MYO5A: variants seen among roughly 807,000 people sequenced by gnomAD.
MYO5A encodes the protein myosin VA.
A neutral mutation model predicts 249.7 loss-of-function variants in MYO5A; 98 were observed. The ratio of observed to expected loss-of-function variants is 0.39; its 90% confidence interval spans 0.33 to 0.46. The LOEUF is 0.46. Among genes scored for constraint, MYO5A ranks in the 20% least tolerant of loss-of-function variants. The pLI is 0.98. For synonymous variants in MYO5A, 778 were observed against 810.6 expected (o/e 0.96, Z 0.68); for missense variants, 1,696 against 2,308.8 (o/e 0.73, Z 5.44).
At chr15:52,412,405 T>C (rs528801548) in intron 5 of MYO5A, among the ~76,000 whole-genome samples, 22 of 152,172 alleles carry the variant, frequency 1.4e-4, no homozygotes, top group Non-Finnish European at 3.2e-4. Flanking sequence ...TATTTAAACA[T>C]AGACAAACAA....
intron 16 of MYO5A, 93 bp from the exon 17 acceptor site, chr15:52,380,001 G>A: frequency 8.3e-7 from 1 of 1,200,970 alleles, no homozygotes; most frequent in Non-Finnish European, 1.2e-6. Flanking sequence ...TCTTTCGTAA[G>A]AGCAAAATGG....
At chr15:52,404,035 G>A (rs1450918822) in intron 9 of MYO5A, among the ~76,000 whole-genome samples, 2 of 152,120 alleles carry the variant, frequency 1.3e-5, no homozygotes, top group East Asian at 3.8e-4. Context: ...GGAGGCCAAG[G>A]TGGGCGGATC....
At position 52,309,844 on chromosome 15, in the gene MYO5A, G is replaced by C. The variant is rs1108808; in HGVS notation, c.*3852C>G. On this transcript the variant is annotated 3_prime_UTR_variant, in exon 42 of 42. Coordinates refer to ENST00000399233, the MANE Select transcript of MYO5A (RefSeq NM_001382347.1). ...CTCTATGAATTAGTGACGGGGGTGT[G>C]TGTGTGTGTATGTGTGTGTGTGTGT... The C allele has an allele frequency of 0.09, 13,147 of 146,190 alleles. 1,737 individuals carry two copies. Among genetic ancestry groups the C allele is most frequent in the African/African-American group, 0.31 (11,918 of 39,040 alleles). The allele number at this position is 146,190 out of a possible 1,614,324, so 9.1% of individuals were successfully genotyped here. A position where few individuals can be genotyped will look rare whatever the true frequency, so the allele number is the denominator to read the frequency against.
intron 1 of MYO5A, among the ~76,000 whole-genome samples, chr15:52,478,220 G>T (rs1262338627): frequency 1.3e-5 from 2 of 152,234 alleles, no homozygotes; most frequent in African/African-American, 4.8e-5. Context: ...CCAGGCGCGG[G>T]ATATAATCTC....
At chr15:52,331,194 TTTTA>T (rs879377403) in intron 34 of MYO5A, among the ~76,000 whole-genome samples, 28 of 152,110 alleles carry the variant, frequency 1.8e-4, no homozygotes, top group Admixed American at 5.2e-4. Flanking sequence ...TGTTATTATT[TTTTA>T]TTTCTTTTTA....
At chr15:52,523,380 A>G (rs2077663005) in intron 1 of MYO5A, among the ~76,000 whole-genome samples, 2 of 152,186 alleles carry the variant, frequency 1.3e-5, no homozygotes. Flanking sequence ...TCGTCCCTAC[A>G]AGTGGACTGA....
chr15:52,377,607 G>A (rs1346927257), intron 18 of MYO5A, among the ~76,000 whole-genome samples: 6 of 127,768 alleles, frequency 4.7e-5, no homozygotes, highest in Non-Finnish European at 7.9e-5. Flanking sequence ...GTCTCGCTCT[G>A]TCTCCCAAGC....
intron 3 of MYO5A, 60 bp from the exon 4 acceptor site, chr15:52,426,034 T>A (rs537612787): frequency 1.2e-5 from 17 of 1,441,352 alleles, no homozygotes; most frequent in Admixed American, 1.7e-5. Context: ...AATGGGCATA[T>A]CAAACTTAGT....
intron 1 of MYO5A, among the ~76,000 whole-genome samples, chr15:52,472,461 T>C (rs28786736): frequency 0.018 from 2,811 of 152,192 alleles, 60 homozygotes; most frequent in African/African-American, 0.053. Context: ...TTGTTACATA[T>C]GTATACATGT....
At chr15:52,460,366 T>C (rs1293271313) in intron 1 of MYO5A, among the ~76,000 whole-genome samples, 4 of 152,098 alleles carry the variant, frequency 2.6e-5, no homozygotes, top group African/African-American at 4.8e-5. Context: ...CATTGAGCAC[T>C]GAGTGAGCGA....
Position 52,323,435 on chromosome 15 carries a change from C to T in MYO5A, c.4720G>A (p.Asp1574Asn), listed in dbSNP as rs992893569. ...CAGAAGGAGACGGTTTCAAAATCAT[C>T]ACCTCTTTTCTGAAAGAGAGAATAA... ...SIKKVLKKRG[D>N]DFETVSFWLS... The change falls in exon 37 of 42, where the codon GAT (aspartate) becomes AAT (asparagine). Residue 1574 changes from aspartate to asparagine, a missense_variant. Asp to Asn is a conservative substitution (Grantham distance 23, BLOSUM62 1). This residue lies in a region of MYO5A where 625 missense variants were observed against 908.1 expected (regional missense o/e 0.69). Coordinates refer to ENST00000399233, the MANE Select transcript of MYO5A (RefSeq NM_001382347.1). The T allele has an allele frequency of 8.7e-6, 14 of 1,612,548 alleles. No homozygotes were observed. The highest frequency in any genetic ancestry group is 5.3e-5 in the African/African-American group (4 of 74,838).
intron 1 of MYO5A, among the ~76,000 whole-genome samples, chr15:52,494,617 C>T (rs968594070): frequency 4.6e-5 from 7 of 152,122 alleles, no homozygotes; most frequent in African/African-American, 1.7e-4. Flanking sequence ...CTCAGCCTCC[C>T]GAGTAGCTGG....
chr15:52,429,458 G>A (rs1374966687), intron 2 of MYO5A, among the ~76,000 whole-genome samples: 1 of 152,156 alleles, frequency 6.6e-6, no homozygotes, highest in Non-Finnish European at 1.5e-5. Context: ...GGAGGCCGAG[G>A]TGGGTGGATC....
intron 1 of MYO5A, among the ~76,000 whole-genome samples, chr15:52,445,227 T>G (rs1428443197): frequency 6.6e-6 from 1 of 152,014 alleles, no homozygotes; most frequent in Admixed American, 6.6e-5. Context: ...TCTCGTGAGA[T>G]CTGGGCATTT....
intron 6 of MYO5A, 109 bp from the exon 7 acceptor site, chr15:52,408,249 T>C (rs2043094827): frequency 1.5e-6 from 1 of 678,490 alleles, no homozygotes; most frequent in Non-Finnish European, 2.6e-6. Flanking sequence ...TTAAATAAAT[T>C]ATACTTTCCT....
At chr15:52,381,075 C>A (rs947855627) in intron 16 of MYO5A, among the ~76,000 whole-genome samples, 1 of 152,202 alleles carries the variant, frequency 6.6e-6, no homozygotes, top group Non-Finnish European at 1.5e-5. Flanking sequence ...TAAACTGGCA[C>A]TGAAGAGGAA....
At chr15:52,355,834 T>C (rs565456256) in intron 25 of MYO5A, among the ~76,000 whole-genome samples, 5 of 152,326 alleles carry the variant, frequency 3.3e-5, no homozygotes, top group African/African-American at 1.2e-4. Context: ...ATGAAAGTCC[T>C]GGAACCAATC....
At chr15:52,395,439 G>A (rs1013305210) in intron 11 of MYO5A, among the ~76,000 whole-genome samples, 2 of 151,924 alleles carry the variant, frequency 1.3e-5, no homozygotes, top group African/African-American at 2.4e-5. Flanking sequence ...ATTTATTAAG[G>A]GTGTCTTTCC....
chr15:52,313,781 G>A lies in MYO5A; in HGVS notation c.5558C>T (p.Thr1853Ile). 4.3e-6 allele frequency: 7 copies of A among 1,614,138 alleles called. No individual in the cohort carries two copies. The highest frequency in any genetic ancestry group is 5.9e-6 in the Non-Finnish European group (7 of 1,180,022). Reference protein sequence around the residue: ...LMDAKHIFPVTFPFNPSSLAL... With the variant: ...LMDAKHIFPVIFPFNPSSLAL... ...GAGGGAAGATGGGTTGAAAGGAAAGGTGACAGGAAAGATGTGTTTAGCATC... is the reference window on the plus strand; with the variant it reads ...GAGGGAAGATGGGTTGAAAGGAAAGATGACAGGAAAGATGTGTTTAGCATC... Residue 1853 changes from threonine (T) to isoleucine (I), a missense_variant, in exon 42 of 42, where the codon ACC (threonine) becomes ATC (isoleucine). Transcript: ENST00000399233.
Sources: gnomAD v4.1 joint callset for allele counts (sites outside exome capture counted in the v4.1 genomes callset) on GRCh38, gnomAD v4.1.1 for gene constraint, gnomAD v4.1.1 regional missense constraint, MANE v1.5 for transcripts, NCBI Gene and HGNC (gene_info 2026-07-23, HGNC 2026-07-21) for gene names.